The following SAMD13 variants were observed in gnomAD, a reference collection of about 807,000 sequenced individuals.
SAMD13 encodes sterile alpha motif domain-containing protein 13.
SAMD13 carries 9 observed loss-of-function variants against 12.4 expected under a neutral mutation model. The ratio of observed to expected loss-of-function variants is 0.72; its 90% CI spans 0.44 to 1.26. SAMD13 has a LOEUF of 1.26. SAMD13 is among the 50% of genes most tolerant of loss of function. SAMD13 has a pLI of 0.00. For missense variants in SAMD13, 84 were observed against 119.6 expected, an observed-to-expected ratio of 0.70 and a Z score of 1.39; for synonymous variants, 46 against 45.4, an observed-to-expected ratio of 1.01 and a Z score of -0.05.
At chr1:84,346,780 T>C (rs1474809399) in intron 3 of SAMD13, among the ~76,000 whole-genome samples, 8 of 152,228 alleles carry the variant, frequency 5.3e-5, no homozygotes, top group Non-Finnish European at 1.0e-4. Flanking sequence ...AACTTTCCTG[T>C]GTGTACAATT....
At chr1:84,316,792 A>T (rs1267542140) in intron 2 of SAMD13, among the ~76,000 whole-genome samples, 1 of 151,952 alleles carries the variant, frequency 6.6e-6, no homozygotes, top group African/African-American at 2.4e-5. Flanking sequence ...GAATCTGTGG[A>T]TTGCTTTGGG....
At chr1:84,317,094 G>GT (rs1487260550) in intron 2 of SAMD13, among the ~76,000 whole-genome samples, 2 of 152,070 alleles carry the variant, frequency 1.3e-5, no homozygotes, top group South Asian at 2.1e-4. Flanking sequence ...ATTCTCACAG[G>GT]TTTTTTTGTG....
chr1:84,320,260 G>A (rs1678912460), intron 2 of SAMD13, among the ~76,000 whole-genome samples: 1 of 152,210 alleles, frequency 6.6e-6, no homozygotes, highest in South Asian at 2.1e-4. Flanking sequence ...GTATGGGAAA[G>A]TCTAGGATGT....
At chr1:84,303,751 A>T (rs1383236145) in intron 2 of SAMD13, 1 of 154,736 alleles carries the variant, frequency 6.5e-6, no homozygotes, top group Non-Finnish European at 1.4e-5. Context: ...TCCTAATTTT[A>T]TGAACTGTTT....
chr1:84,315,473 T>C (rs1455097349), intron 2 of SAMD13, among the ~76,000 whole-genome samples: 3 of 152,192 alleles, frequency 2.0e-5, no homozygotes, highest in African/African-American at 7.2e-5. Flanking sequence ...AGCATGTCTT[T>C]TTTGCGGTGG....
intron 3 of SAMD13, among the ~76,000 whole-genome samples, chr1:84,342,752 C>T (rs1264859225): frequency 6.6e-6 from 1 of 152,038 alleles, no homozygotes; most frequent in Non-Finnish European, 1.5e-5. Context: ...CTATAAAAAC[C>T]CTAGAAGAAA....
intron 3 of SAMD13, among the ~76,000 whole-genome samples, chr1:84,334,632 C>A (rs1303201475): frequency 6.6e-6 from 1 of 151,970 alleles, no homozygotes; most frequent in Non-Finnish European, 1.5e-5. Context: ...TTTTCTAGTT[C>A]CTCTATGTGT....
chr1:84,344,516 G>A (rs1679492641), intron 3 of SAMD13, among the ~76,000 whole-genome samples: 2 of 152,136 alleles, frequency 1.3e-5, no homozygotes, highest in Admixed American at 1.3e-4. Context: ...ACAACAAAGA[G>A]GAACTTCTCT....
chr1:84,328,691 T>C (rs1679111165), intron 3 of SAMD13, among the ~76,000 whole-genome samples: 1 of 152,010 alleles, frequency 6.6e-6, no homozygotes, highest in Non-Finnish European at 1.5e-5. Flanking sequence ...ACCTCTGGAG[T>C]CTTCCTGGCA....
Position 84,325,712 on chromosome 1 carries a change from G to A in SAMD13, c.129G>A (p.Val43=), listed in dbSNP as rs1168632768. 1 of 1,613,246 alleles carries A rather than the reference G, an allele frequency of 6.2e-7. No homozygotes were observed. The highest frequency in any genetic ancestry group is 8.5e-7 in the Non-Finnish European group (1 of 1,179,406). Residue 43 remains valine (V), a synonymous_variant, in exon 3 of 4, where the codon GTG becomes GTA. Coordinates refer to ENST00000394834, the MANE Select transcript of SAMD13 (RefSeq NM_001134663.2). ...VMDVVNYFRT[V]GFEEQASAFQ... Reference sequence around the variant, plus strand: ...ATGTCGTCAATTATTTCCGAACCGTGGGATTTGAGGAGCAAGCTAGTGCTT... The same window carrying A: ...ATGTCGTCAATTATTTCCGAACCGTAGGATTTGAGGAGCAAGCTAGTGCTT...
rs145575306 is a variant in SAMD13, at chr1:84,346,010, T to C, written c.166-3621T>C. 1.4e-3 allele frequency among the ~76,000 whole-genome samples: 214 copies of C among 152,298 alleles called. 1 individual carries two copies. Among genetic ancestry groups the C allele is most frequent in the Middle Eastern group, 6.8e-3 (2 of 294 alleles). On this transcript the variant is annotated intron_variant, in intron 3 of 3. Coordinates refer to ENST00000394834, the MANE Select transcript of SAMD13 (RefSeq NM_001134663.2). ...TGTACCACCATACTCAGCTTTTATATGCTTTTTTCAATAACTAGCATTTAT... is the reference window on the plus strand; with the variant it reads ...TGTACCACCATACTCAGCTTTTATACGCTTTTTTCAATAACTAGCATTTAT...
At chr1:84,340,374 A>C (rs146484017) in intron 3 of SAMD13, among the ~76,000 whole-genome samples, 1 of 152,226 alleles carries the variant, frequency 6.6e-6, no homozygotes, top group African/African-American at 2.4e-5. Context: ...AGGCAAATTC[A>C]TAGAGATACA....
At chr1:84,318,855 T>A (rs1678886537) in intron 2 of SAMD13, among the ~76,000 whole-genome samples, 1 of 152,184 alleles carries the variant, frequency 6.6e-6, no homozygotes, top group Non-Finnish European at 1.5e-5. Context: ...AAGAATTGAG[T>A]CTGTTTATTA....
chr1:84,310,351 T>C (rs1022052492), intron 2 of SAMD13, among the ~76,000 whole-genome samples: 2 of 151,386 alleles, frequency 1.3e-5, no homozygotes, highest in African/African-American at 2.4e-5. Context: ...CTACTAACAA[T>C]AGCTGATGAG....
chr1:84,315,958 A>T (rs1242906130), intron 2 of SAMD13, among the ~76,000 whole-genome samples: 1 of 152,058 alleles, frequency 6.6e-6, no homozygotes, highest in African/African-American at 2.4e-5. Flanking sequence ...CATTTCCTTG[A>T]TGATTGGTGA....
At chr1:84,300,063 A>G (rs1174363441), upstream of SAMD13, among the ~76,000 whole-genome samples, 1 of 152,186 alleles carries the variant, frequency 6.6e-6, no homozygotes, top group East Asian at 1.9e-4. Context: ...CCAGCTCCCC[A>G]AGACACAGAA....
In SAMD13 at chr1:84,349,972, G is replaced by T; in HGVS notation, c.*198G>T. The T allele has an allele frequency of 8.3e-7, 1 of 1,205,074 alleles. No homozygotes were observed. Among genetic ancestry groups the T allele is most frequent in the Non-Finnish European group, 1.1e-6 (1 of 943,382 alleles). The allele number at this position is 1,205,074 out of a possible 1,614,324, so 74.6% of individuals were successfully genotyped here. ...GCCAGGAGGAGCAAGGACAAGATGC[G>T]CACAGGGTGGTTTTCCTCATGGATT... On this transcript the variant is annotated 3_prime_UTR_variant, in exon 4 of 4. Coordinates refer to ENST00000394834, the MANE Select transcript of SAMD13 (RefSeq NM_001134663.2).
At chr1:84,313,374 T>C (rs1340748830) in intron 2 of SAMD13, among the ~76,000 whole-genome samples, 1 of 152,182 alleles carries the variant, frequency 6.6e-6, no homozygotes, top group Non-Finnish European at 1.5e-5. Context: ...TGATCTGTGT[T>C]TGGCCATGTT....
intron 3 of SAMD13, among the ~76,000 whole-genome samples, chr1:84,349,200 G>A (rs1047000619): frequency 6.6e-6 from 1 of 152,164 alleles, no homozygotes; most frequent in Non-Finnish European, 1.5e-5. Context: ...TCGCTTGCCT[G>A]TAAAATAGAA....
Sources: gnomAD v4.1 joint callset for allele counts (sites outside exome capture counted in the v4.1 genomes callset) on GRCh38, gnomAD v4.1.1 for gene constraint, MANE v1.5 for transcripts, NCBI Gene and HGNC (gene_info 2026-07-23, HGNC 2026-07-21) for gene names.